DGKD: variants seen among roughly 807,000 people sequenced by gnomAD.
DGKD encodes the protein diacylglycerol kinase delta, also known as DAG kinase delta.
In DGKD, 68 loss-of-function variants were observed where a neutral mutation model predicts 154.4. That is an observed-to-expected ratio of 0.44 (90% CI 0.36 to 0.54). The LOEUF (loss-of-function observed/expected upper bound fraction) is 0.54. Ranked by LOEUF, DGKD falls within the 20% of genes least tolerant of loss-of-function variation. The probability of loss-of-function intolerance (pLI) is 0.00; values close to 1 mark genes in which losing one functional copy is unlikely to be tolerated. For missense variants in DGKD, 1,343 were observed against 1,593.6 expected (o/e 0.84, Z 2.68); for synonymous variants, 693 against 638.0 (o/e 1.09, Z -1.30).
In DGKD at chr2:233,468,469, C is replaced by T. The variant is rs765699080; in HGVS notation, c.3471C>T (p.Leu1157=). 41 of 1,613,488 alleles carry T rather than the reference C, an allele frequency of 2.5e-5. No homozygotes were observed. Among genetic ancestry groups the T allele is most frequent in the Non-Finnish European group, 3.5e-5 (41 of 1,179,956 alleles). The change falls in exon 29 of 30, where the codon CTC becomes CTT. Residue 1157 remains leucine, a synonymous_variant. Transcript: ENST00000264057. ...AGGTTGCTGCCTGGCTGGAGCACCT[C>T]AGTCTCTGTGAGTATAAGGACATCT... ...TEEVAAWLEH[L]SLCEYKDIFT... is the part of the protein sequence containing the mutation.
At position 233,464,094 on chromosome 2, in the gene DGKD, C is replaced by A. The variant is rs935872729; in HGVS notation, c.3187-70C>A. ...AGCAGAGCCCTGGAGCGGACCTCAC[C>A]CCCCTGGGCCTCGCGCTGATCAGCA... On this transcript the variant is annotated intron_variant, in intron 26 of 29. Coordinates refer to ENST00000264057, the MANE Select transcript of DGKD (RefSeq NM_152879.3). The A allele has an allele frequency of 1.4e-5, 23 of 1,596,928 alleles. 1 individual carries two copies. The African/African-American group carries it at 2.5e-4, about 18-fold the overall frequency.
intron 19 of DGKD, among the ~76,000 whole-genome samples, chr2:233,455,441 T>C (rs2063429997): frequency 6.6e-6 from 1 of 152,220 alleles, no homozygotes; most frequent in Non-Finnish European, 1.5e-5. Flanking sequence ...GGGTCCCTCT[T>C]CTCAAGCTTT....
chr2:233,406,395 G>A (rs920271018), intron 3 of DGKD, among the ~76,000 whole-genome samples: 14 of 152,212 alleles, frequency 9.2e-5, no homozygotes, highest in African/African-American at 3.1e-4. Context: ...GAACAGGCAA[G>A]GTTTTATTCT....
At chr2:233,431,764 A>T (rs561012948) in intron 3 of DGKD, among the ~76,000 whole-genome samples, 1 of 152,364 alleles carries the variant, frequency 6.6e-6, no homozygotes, top group African/African-American at 2.4e-5. Flanking sequence ...AAAACTGGTT[A>T]TCCATATGCA....
chr2:233,446,731 G>A lies in DGKD; in HGVS notation c.1354G>A (p.Glu452Lys), dbSNP rs781725630. ...MLDRWSVMAY[E>K]AKLPRQASSS... is the part of the protein sequence containing the mutation. ...GTGCAGGTGGAGCGTCATGGCATAC[G>A]AGGCCAAGCTCCCCCGGCAGGCCTC... The change falls in exon 12 of 30, where the codon GAG becomes AAG. Residue 452 changes from glutamate to lysine, a missense_variant. Around this residue, in one of 6 missense-constraint regions of DGKD, gnomAD observed 409 missense variants for 446.0 expected, o/e 0.92. Transcript: ENST00000264057. The A allele has an allele frequency of 5.6e-6, 9 of 1,614,030 alleles. No individual in the cohort carries two copies. The highest frequency in any genetic ancestry group is 2.2e-5 in the East Asian group (1 of 44,882).
At chr2:233,424,300 A>G (rs2062217978) in intron 3 of DGKD, among the ~76,000 whole-genome samples, 1 of 152,164 alleles carries the variant, frequency 6.6e-6, no homozygotes, top group African/African-American at 2.4e-5. Flanking sequence ...ATGGTTAGAA[A>G]TGGTTGGACA....
intron 1 of DGKD, among the ~76,000 whole-genome samples, chr2:233,378,135 C>T (rs1382096384): frequency 2.7e-5 from 4 of 150,888 alleles, no homozygotes; most frequent in African/African-American, 4.9e-5. Context: ...AATTTGAGGC[C>T]GGGTGTGGTG....
At chr2:233,387,716 G>C (rs912992235) in intron 1 of DGKD, among the ~76,000 whole-genome samples, 5 of 152,058 alleles carry the variant, frequency 3.3e-5, no homozygotes, top group African/African-American at 1.2e-4. Context: ...TCCTCTCATG[G>C]TGTGTGCAGA....
intron 1 of DGKD, among the ~76,000 whole-genome samples, chr2:233,367,147 C>T (rs1574981936): frequency 6.6e-6 from 1 of 152,062 alleles, no homozygotes; most frequent in South Asian, 2.1e-4. Context: ...AGAACAGCTT[C>T]CACTGTTCTC....
At chr2:233,468,106 G>A (rs1488075879) in intron 28 of DGKD, among the ~76,000 whole-genome samples, 6 of 152,002 alleles carry the variant, frequency 3.9e-5, no homozygotes, top group Admixed American at 1.3e-4. Flanking sequence ...TGCAGCCATC[G>A]CCCCTTGAGC....
chr2:233,383,527 A>G (rs1019327885), intron 1 of DGKD, among the ~76,000 whole-genome samples: 17 of 152,006 alleles, frequency 1.1e-4, no homozygotes, highest in African/African-American at 3.9e-4. Flanking sequence ...ATTTTTTTCT[A>G]TTACATTTAA....
At chr2:233,460,406 C>T in intron 24 of DGKD, 61 bp downstream of exon 24, 1 of 1,588,162 alleles carries the variant, frequency 6.3e-7, no homozygotes, top group South Asian at 1.1e-5. Context: ...GGACTGCACT[C>T]TTCCAAGGCC....
At chr2:233,409,426 C>T (rs1415415426) in intron 3 of DGKD, among the ~76,000 whole-genome samples, 1 of 151,486 alleles carries the variant, frequency 6.6e-6, no homozygotes, top group Non-Finnish European at 1.5e-5. Flanking sequence ...GGTGCCTAGG[C>T]AGTGAATACT....
chr2:233,423,063 C>T (rs905977283), intron 3 of DGKD, among the ~76,000 whole-genome samples: 1 of 152,188 alleles, frequency 6.6e-6, no homozygotes, highest in Non-Finnish European at 1.5e-5. Context: ...TCCCTGGAGC[C>T]TCATTGAGGT....
At chr2:233,388,430 T>TG in intron 2 of DGKD, 63 bp downstream of exon 2, 1 of 1,498,114 alleles carries the variant, frequency 6.7e-7, no homozygotes. Context: ...GGGGAGGAAC[T>TG]GGGGGTGCTG....
intron 3 of DGKD, among the ~76,000 whole-genome samples, chr2:233,399,682 A>T (rs2061510492): frequency 6.6e-6 from 1 of 152,302 alleles, no homozygotes; most frequent in South Asian, 2.1e-4. Context: ...GTGGGAAGCC[A>T]TTAAGATTTT....
intron 1 of DGKD, among the ~76,000 whole-genome samples, chr2:233,355,944 A>C (rs1701515243): frequency 6.6e-6 from 1 of 152,208 alleles, no homozygotes; most frequent in Admixed American, 6.5e-5. Flanking sequence ...AGGGTGTCAC[A>C]GGTCGTAAAT....
At chr2:233,355,426 G>A (rs1226452804) in intron 1 of DGKD, among the ~76,000 whole-genome samples, 2 of 152,228 alleles carry the variant, frequency 1.3e-5, no homozygotes, top group Non-Finnish European at 2.9e-5. Context: ...GAGCCCGCCC[G>A]GTTAGAACAC....
chr2:233,424,827 C>T (rs923679348), intron 3 of DGKD, among the ~76,000 whole-genome samples: 1 of 152,228 alleles, frequency 6.6e-6, no homozygotes, highest in Non-Finnish European at 1.5e-5. Context: ...CTTTGTGCCT[C>T]GCCCATATTA....
Sources: allele counts gnomAD v4.1 joint callset (sites outside exome capture counted in the v4.1 genomes callset), GRCh38; gene constraint gnomAD v4.1.1; regional missense constraint gnomAD v4.1.1; transcripts MANE v1.5; gene names NCBI Gene and HGNC (gene_info 2026-07-23, HGNC 2026-07-21).